VPS54: variants seen among roughly 807,000 people sequenced by gnomAD.
VPS54 encodes vacuolar protein sorting-associated protein 54.
A neutral mutation model predicts 121.5 loss-of-function variants in VPS54; 45 were observed. That is an observed-to-expected ratio of 0.37 (90% CI 0.29 to 0.47). VPS54 has a LOEUF of 0.47. VPS54 is among the 20% of genes least tolerant of loss of function. VPS54 has a pLI of 0.99. For missense variants in VPS54, 1,090 were observed against 1,131.4 expected, an observed-to-expected ratio of 0.96 and a Z score of 0.52; for synonymous variants, 371 against 385.8, an observed-to-expected ratio of 0.96 and a Z score of 0.45.
intron 11 of VPS54, among the ~76,000 whole-genome samples, chr2:63,935,342 A>G (rs968013412): frequency 2.0e-5 from 3 of 152,170 alleles, no homozygotes; most frequent in Non-Finnish European, 4.4e-5. Flanking sequence ...CTTTAGGACC[A>G]AAGTGTCTAC....
intron 8 of VPS54, among the ~76,000 whole-genome samples, chr2:63,948,488 C>T (rs1377712038): frequency 6.8e-6 from 1 of 147,850 alleles, no homozygotes; most frequent in Non-Finnish European, 1.5e-5. Flanking sequence ...CCTCAAACTC[C>T]TGGACTCAAG....
At position 63,957,469 on chromosome 2, in the gene VPS54, C is replaced by A. The variant is rs915636369; in HGVS notation, c.1010+4589G>T. Among the ~76,000 whole-genome samples the A allele has an allele frequency of 6.7e-4, 102 of 151,292 alleles. 1 individual carries two copies. The highest frequency in any genetic ancestry group is 3.4e-3 in the Middle Eastern group (1 of 292). ...AAAAAAAAAAAAAAAAAATTTATGT[C>A]CTAATAATTAAAATTGCCCAATTTT... On this transcript the variant is annotated intron_variant, in intron 7 of 22. Transcript: ENST00000272322.
At chr2:63,994,901 T>G (rs746373441) in intron 1 of VPS54, among the ~76,000 whole-genome samples, 4 of 152,116 alleles carry the variant, frequency 2.6e-5, no homozygotes, top group Admixed American at 1.3e-4. Flanking sequence ...GCTCTTCTGG[T>G]GGAAGGGAAT....
chr2:64,018,815 C>A (rs750343682), intron 1 of VPS54, 123 bp downstream of exon 1: 9 of 148,110 alleles, frequency 6.1e-5, no homozygotes, highest in African/African-American at 2.3e-4. Context: ...CAGCTGTGAC[C>A]GAAACTCGGT....
At chr2:63,980,625 C>T (rs1676762879) in intron 3 of VPS54, among the ~76,000 whole-genome samples, 1 of 151,922 alleles carries the variant, frequency 6.6e-6, no homozygotes, top group Non-Finnish European at 1.5e-5. Context: ...TGTTAAACCC[C>T]TTGCTAAAAA....
At chr2:63,953,063 TC>T (rs1675329130) in intron 7 of VPS54, among the ~76,000 whole-genome samples, 1 of 151,986 alleles carries the variant, frequency 6.6e-6, no homozygotes, top group African/African-American at 2.4e-5. Context: ...AGTTTTTTTT[TC>T]ATTATTTCCC....
intron 20 of VPS54, among the ~76,000 whole-genome samples, chr2:63,901,869 G>C (rs1672692410): frequency 6.6e-6 from 1 of 152,064 alleles, no homozygotes. Context: ...TACAAAATTA[G>C]CTGGGCATGG....
At chr2:63,993,592 A>C (rs1677433471) in intron 1 of VPS54, among the ~76,000 whole-genome samples, 1 of 152,204 alleles carries the variant, frequency 6.6e-6, no homozygotes, top group Non-Finnish European at 1.5e-5. Flanking sequence ...GAATACTTAA[A>C]ATTTCCGGAT....
At position 63,933,978 on chromosome 2, in the gene VPS54, T is replaced by G. The variant is rs1674338324; in HGVS notation, c.1434A>C (p.Ser478=). 1 of 1,613,358 alleles carries G rather than the reference T, an allele frequency of 6.2e-7. No individual in the cohort carries two copies. The highest frequency in any genetic ancestry group is 8.5e-7 in the Non-Finnish European group (1 of 1,179,668). The stretch of plus-strand genomic sequence containing the variant: ...TAGTCCTTTGGTTTTTGTCAAGAAC[T>G]GAGAGAACAACACTGTGAATGATAT... The part of the protein sequence containing the change: ...TLNIIHSVVL[S]VLDKNQRTRE... The change falls in exon 12 of 23, where the codon TCA becomes TCC. Residue 478 remains serine, a synonymous_variant. Transcript: ENST00000272322.
rs1042626087 is a variant in VPS54, at chr2:64,019,300, G to A, written c.-383C>T. ...AGGGGAGCCGCCGCCGCCGCGCCACGACCACTGCCTCTAGCGCTTCTGCTC... is the reference window on the plus strand; with the variant it reads ...AGGGGAGCCGCCGCCGCCGCGCCACAACCACTGCCTCTAGCGCTTCTGCTC... On this transcript the variant is annotated 5_prime_UTR_variant, in exon 1 of 23. Transcript: ENST00000272322. Among the ~76,000 whole-genome samples, 5 of 150,648 alleles carry A rather than the reference G, an allele frequency of 3.3e-5. No individual in the cohort carries two copies. The highest frequency in any genetic ancestry group is 6.6e-5 in the Admixed American group (1 of 15,190).
chr2:63,907,719 T>C (rs1433266283), intron 20 of VPS54, among the ~76,000 whole-genome samples: 2 of 152,146 alleles, frequency 1.3e-5, no homozygotes, highest in African/African-American at 4.8e-5. Flanking sequence ...CTAAGATATA[T>C]AAGGAACACT....
intron 1 of VPS54, among the ~76,000 whole-genome samples, chr2:64,002,346 T>C (rs1426239984): frequency 2.0e-5 from 3 of 152,234 alleles, no homozygotes; most frequent in African/African-American, 7.2e-5. Context: ...AAAGTGCTTT[T>C]GGTGTGTAGT....
intron 1 of VPS54, among the ~76,000 whole-genome samples, chr2:63,998,489 G>T (rs1259329104): frequency 6.6e-6 from 1 of 151,886 alleles, no homozygotes; most frequent in African/African-American, 2.4e-5. Flanking sequence ...CTTCCTTCCT[G>T]TCTTCCTCTT....
chr2:63,944,670 A>G lies in VPS54; in HGVS notation c.1246-15T>C. ...TTAATCACACACTGCAAAATTTAAG[A>G]AAAAACAAAAACAATTTGATTAATT... On this transcript the variant is annotated splice_polypyrimidine_tract_variant and intron_variant, in intron 9 of 22. Transcript: ENST00000272322. 6.3e-7 allele frequency: 1 copy of G among 1,590,458 alleles called. No individual in the cohort carries two copies.
At chr2:64,016,685 T>G (rs1005839520) in intron 1 of VPS54, among the ~76,000 whole-genome samples, 3 of 151,606 alleles carry the variant, frequency 2.0e-5, no homozygotes, top group Non-Finnish European at 2.9e-5. Flanking sequence ...CTTGGCTCAC[T>G]GCAACCTCCA....
rs764515091 is a variant in VPS54, at chr2:64,005,089, C to CTTTTTTTTTTTTTTTTTT, written c.-21+13831_-21+13848dup. ...TACCATGCCCAGTCTACTATTGCTTCTTTTTTTTTTTTTTTTTTTTTTTTT... is the reference window on the plus strand; with the variant it reads ...TACCATGCCCAGTCTACTATTGCTTCTTTTTTTTTTTTTTTTTTTTTTTTTTTTTTTTTTTTTTTTTTT... On this transcript the variant is annotated intron_variant, in intron 1 of 22. Transcript: ENST00000272322. 2.7e-4 allele frequency among the ~76,000 whole-genome samples: 12 copies of CTTTTTTTTTTTTTTTTTT among 44,128 alleles called. 2 individuals carry two copies. Among genetic ancestry groups the CTTTTTTTTTTTTTTTTTT allele is most frequent in the Non-Finnish European group, 3.6e-4 (9 of 25,216 alleles). The allele number at this position is 44,128 out of a possible 152,430, so 28.9% of individuals were successfully genotyped here. A position where few individuals can be genotyped will look rare whatever the true frequency, so the allele number is the denominator to read the frequency against.
intron 12 of VPS54, among the ~76,000 whole-genome samples, chr2:63,930,247 C>G (rs1431875506): frequency 6.6e-6 from 1 of 152,090 alleles, no homozygotes; most frequent in Non-Finnish European, 1.5e-5. Flanking sequence ...TGATGAACAT[C>G]GATGAGAAAA....
chr2:63,933,797 T>C lies in VPS54; in HGVS notation c.1615A>G (p.Asn539Asp), dbSNP rs1674325237. The C allele has an allele frequency of 6.2e-7, 1 of 1,613,764 alleles. No homozygotes were observed. Among genetic ancestry groups the C allele is most frequent in the East Asian group, 2.2e-5 (1 of 44,880 alleles). The change falls in exon 12 of 23, where the codon AAT (asparagine) becomes GAT (aspartate). Residue 539 changes from asparagine to aspartate, a missense_variant. Physicochemically the swap from Asn to Asp is conservative, Grantham distance 23. Transcript: ENST00000272322. ...CAGGGCTCACTATTTGGAGATGCATTTCTTTGAGAGGTAGTGTCAACTGCT... is the reference window on the plus strand; with the variant it reads ...CAGGGCTCACTATTTGGAGATGCATCTCTTTGAGAGGTAGTGTCAACTGCT... The part of the protein sequence containing the change: ...PIAVDTTSQR[N>D]ASPNSEPCSS...
chr2:63,930,208 A>C (rs1674123714), intron 12 of VPS54, among the ~76,000 whole-genome samples: 1 of 152,116 alleles, frequency 6.6e-6, no homozygotes, highest in Non-Finnish European at 1.5e-5. Context: ...GAGACACAAC[A>C]AAAAAAGAGA....
Sources: gnomAD v4.1 joint callset for allele counts (sites outside exome capture counted in the v4.1 genomes callset) on GRCh38, gnomAD v4.1.1 for gene constraint, MANE v1.5 for transcripts, NCBI Gene and HGNC (gene_info 2026-07-23, HGNC 2026-07-21) for gene names.